The following ROBO2 variants were observed in gnomAD, a reference collection of about 807,000 sequenced individuals.
ROBO2 encodes roundabout guidance receptor 2.
A neutral mutation model predicts 160.8 loss-of-function variants in ROBO2; 53 were observed. The observed-to-expected ratio is 0.33, with a 90% CI of 0.26 to 0.41. The LOEUF is 0.41. ROBO2 is among the 10% of genes least tolerant of loss of function. The pLI is 1.00. For synonymous variants in ROBO2, 664 were observed against 611.7 expected (o/e 1.09, Z -1.26); for missense variants, 1,577 against 1,722.4 (o/e 0.92, Z 1.49).
intron 2 of ROBO2, among the ~76,000 whole-genome samples, chr3:76,791,272 T>A (rs1228383992): frequency 6.6e-6 from 1 of 151,748 alleles, no homozygotes; most frequent in Non-Finnish European, 1.5e-5. Context: ...GTCTTGATTT[T>A]ACATGTGGTA....
chr3:76,487,994 A>T (rs945456886), intron 2 of ROBO2, among the ~76,000 whole-genome samples: 5 of 152,152 alleles, frequency 3.3e-5, no homozygotes, highest in Admixed American at 6.6e-5. Flanking sequence ...GCCATATTCT[A>T]CCATTAGAAG....
chr3:76,058,852 A>C (rs1289944737), intron 2 of ROBO2, among the ~76,000 whole-genome samples: 3 of 119,954 alleles, frequency 2.5e-5, no homozygotes, highest in Non-Finnish European at 4.8e-5. Flanking sequence ...TCCTGTGTCC[A>C]TGTGTTCTCA....
intron 2 of ROBO2, among the ~76,000 whole-genome samples, chr3:76,903,825 C>G (rs1323177723): frequency 1.3e-5 from 2 of 152,148 alleles, no homozygotes; most frequent in Non-Finnish European, 2.9e-5. Flanking sequence ...ATTACTTTCT[C>G]TCCTTCAAAT....
chr3:77,204,227 T>C (rs1255881619), intron 2 of ROBO2, among the ~76,000 whole-genome samples: 1 of 152,206 alleles, frequency 6.6e-6, no homozygotes, highest in East Asian at 1.9e-4. Flanking sequence ...CATTTTTACC[T>C]CTGAACCTGC....
At chr3:75,984,481 A>G (rs1447284807) in intron 2 of ROBO2, among the ~76,000 whole-genome samples, 1 of 151,524 alleles carries the variant, frequency 6.6e-6, no homozygotes, top group Non-Finnish European at 1.5e-5. Context: ...AAGAACTGAG[A>G]GCATTTGAAT....
chr3:77,043,111 A>C (rs1001372542), intron 1 of ROBO2, among the ~76,000 whole-genome samples: 4 of 152,216 alleles, frequency 2.6e-5, no homozygotes, highest in African/African-American at 9.6e-5. Context: ...TGTGGAGAAC[A>C]CTGCCCTCTA....
chr3:76,714,029 G>A (rs181825625), intron 2 of ROBO2, among the ~76,000 whole-genome samples: 13 of 151,858 alleles, frequency 8.6e-5, no homozygotes, highest in Admixed American at 2.0e-4. Context: ...ACAGAAAACC[G>A]TAGTTAGTAT....
chr3:76,925,381 C>G (rs78359182), intron 2 of ROBO2, among the ~76,000 whole-genome samples: 1 of 151,936 alleles, frequency 6.6e-6, no homozygotes, highest in Non-Finnish European at 1.5e-5. Flanking sequence ...GATATTAAGT[C>G]TTTGGAAAAT....
chr3:77,157,200 C>T (rs534583419), intron 2 of ROBO2, among the ~76,000 whole-genome samples: 36 of 152,154 alleles, frequency 2.4e-4, no homozygotes, highest in African/African-American at 6.0e-4. Flanking sequence ...CTTTGACTCA[C>T]TGATTTTTGC....
intron 1 of ROBO2, among the ~76,000 whole-genome samples, chr3:75,929,790 T>A (rs746971921): frequency 7.9e-5 from 12 of 151,542 alleles, no homozygotes; most frequent in Non-Finnish European, 1.6e-4. Flanking sequence ...CTCCTCCCGG[T>A]TTCAAGTGAT....
Position 77,410,198 on chromosome 3 carries a change from A to C in ROBO2, c.389-67216A>C, listed in dbSNP as rs1560755618. Among the ~76,000 whole-genome samples, 5 of 152,342 alleles carry C rather than the reference A, an allele frequency of 3.3e-5. No homozygotes were observed. In the South Asian group the frequency reaches 1.0e-3, roughly 32 times the overall value. On this transcript the variant is annotated intron_variant, in intron 2 of 25. Coordinates refer to ENST00000461745, the Ensembl canonical transcript of ROBO2. ...TTCAAAAATTCTTGAGACATGACAG[A>C]TAAATGAGTTAACACATCTCTCTGT...
At chr3:75,910,868 G>A (rs1448015907) in intron 1 of ROBO2, among the ~76,000 whole-genome samples, 1 of 151,596 alleles carries the variant, frequency 6.6e-6, no homozygotes, top group Non-Finnish European at 1.5e-5. Context: ...AGTAAGTGAT[G>A]GATTATTCGG....
At chr3:76,467,972 A>G (rs977644231) in intron 2 of ROBO2, among the ~76,000 whole-genome samples, 1 of 152,186 alleles carries the variant, frequency 6.6e-6, no homozygotes, top group South Asian at 2.1e-4. Flanking sequence ...AGCTTAGCTC[A>G]AAGAGGAATA....
intron 2 of ROBO2, among the ~76,000 whole-genome samples, chr3:76,424,944 C>A (rs1296435722): frequency 6.6e-6 from 1 of 152,124 alleles, no homozygotes. Flanking sequence ...CACCCCATAA[C>A]CCTTTTTGGA....
intron 2 of ROBO2, among the ~76,000 whole-genome samples, chr3:76,856,893 A>G (rs967718824): frequency 6.6e-6 from 1 of 152,190 alleles, no homozygotes; most frequent in Admixed American, 6.5e-5. Flanking sequence ...TAATAATCCA[A>G]CACAGCAAGT....
chr3:76,883,681 T>C (rs1053154453), intron 2 of ROBO2, among the ~76,000 whole-genome samples: 8 of 152,218 alleles, frequency 5.3e-5, no homozygotes, highest in Non-Finnish European at 8.8e-5. Flanking sequence ...TGACTTTATC[T>C]GGTGTCCAAT....
intron 2 of ROBO2, among the ~76,000 whole-genome samples, chr3:76,634,182 G>A (rs1271651035): frequency 6.6e-6 from 1 of 152,220 alleles, no homozygotes; most frequent in African/African-American, 2.4e-5. Context: ...TTGGCTTGCA[G>A]ATAGCTGCCT....
At chr3:76,335,178 GTTTTTT>G (rs34963831) in intron 2 of ROBO2, among the ~76,000 whole-genome samples, 1 of 77,894 alleles carries the variant, frequency 1.3e-5, no homozygotes, top group Non-Finnish European at 2.3e-5. Context: ...TTTCTGTTTT[GTTTTTT>G]TTTTTTTTTT....
intron 2 of ROBO2, among the ~76,000 whole-genome samples, chr3:76,487,297 T>C (rs1029381733): frequency 7.9e-5 from 12 of 152,048 alleles, no homozygotes; most frequent in Admixed American, 5.9e-4. Flanking sequence ...CATATTGTTC[T>C]GCTTTCTGTC....
Sources: gnomAD v4.1 joint callset for allele counts (sites outside exome capture counted in the v4.1 genomes callset) on GRCh38, gnomAD v4.1.1 for gene constraint, MANE v1.5 for transcripts, NCBI Gene and HGNC (gene_info 2026-07-23, HGNC 2026-07-21) for gene names.